Variants in HPF1 observed in about 807,000 individuals in gnomAD.
The protein encoded by HPF1 is UPF0609 protein C4orf27.
HPF1 carries 35 observed loss-of-function variants against 38.8 expected under a neutral mutation model. The ratio of observed to expected loss-of-function variants is 0.90; its 90% CI spans 0.69 to 1.19. The LOEUF is 1.19. Among genes scored for constraint, HPF1 ranks in the 50% most tolerant of loss-of-function variants. HPF1 has a pLI of 0.00. For missense variants in HPF1, 367 were observed against 405.8 expected, an observed-to-expected ratio of 0.90 and a Z score of 0.82; for synonymous variants, 115 against 139.2, an observed-to-expected ratio of 0.83 and a Z score of 1.22.
At chr4:169,751,691 G>C (rs1425171942) in intron 2 of HPF1, among the ~76,000 whole-genome samples, 1 of 151,968 alleles carries the variant, frequency 6.6e-6, no homozygotes, top group African/African-American at 2.4e-5. Flanking sequence ...GAAGGATGAA[G>C]AAAACAAAAA....
intron 4 of HPF1, among the ~76,000 whole-genome samples, chr4:169,747,496 A>G (rs1027687922): frequency 1.3e-5 from 2 of 152,200 alleles, no homozygotes; most frequent in African/African-American, 4.8e-5. Context: ...CCCTTTAAAG[A>G]GACAGTACTA....
chr4:169,737,798 A>G (rs1581314865), intron 5 of HPF1, 51 bp from the exon 6 acceptor site: 2 of 1,155,286 alleles, frequency 1.7e-6, no homozygotes, highest in African/African-American at 1.5e-5. Flanking sequence ...GACATCAAAA[A>G]AAAAAATCCC....
intron 4 of HPF1, among the ~76,000 whole-genome samples, chr4:169,742,746 C>A (rs543170245): frequency 2.0e-5 from 3 of 151,840 alleles, no homozygotes; most frequent in African/African-American, 7.3e-5. Context: ...GAACCGAGAT[C>A]GCGCCACTGC....
chr4:169,748,959 T>C (rs76216708), intron 3 of HPF1, 117 bp from the exon 4 acceptor site: 3 of 152,582 alleles, frequency 2.0e-5, no homozygotes, highest in South Asian at 1.8e-4. Flanking sequence ...TTTGGAGGCC[T>C]TTTTTTTTTT....
chr4:169,756,561 G>A (rs1169638367), intron 1 of HPF1, among the ~76,000 whole-genome samples: 1 of 152,178 alleles, frequency 6.6e-6, no homozygotes, highest in Non-Finnish European at 1.5e-5. Flanking sequence ...TCCAACCTTA[G>A]GCAAGTTACT....
At chr4:169,731,377 C>T (rs976406695) in intron 7 of HPF1, among the ~76,000 whole-genome samples, 6 of 152,184 alleles carry the variant, frequency 3.9e-5, no homozygotes, top group Non-Finnish European at 7.3e-5. Context: ...CCCAAACGTA[C>T]ACACACGGCA....
intron 4 of HPF1, among the ~76,000 whole-genome samples, chr4:169,745,133 C>T (rs1045643302): frequency 2.0e-5 from 3 of 152,128 alleles, no homozygotes; most frequent in South Asian, 2.1e-4. Flanking sequence ...CACGGACAGA[C>T]AGAACCATGC....
intron 1 of HPF1, among the ~76,000 whole-genome samples, chr4:169,757,541 G>T (rs1158654224): frequency 2.0e-5 from 3 of 152,112 alleles, no homozygotes; most frequent in Non-Finnish European, 4.4e-5. Flanking sequence ...GTATGTAATC[G>T]GTTCCCAATC....
intron 4 of HPF1, among the ~76,000 whole-genome samples, chr4:169,744,469 T>C (rs1357141907): frequency 1.3e-5 from 2 of 152,218 alleles, no homozygotes; most frequent in Admixed American, 6.5e-5. Context: ...GCCATAACCA[T>C]GAACGTGAAC....
chr4:169,739,088 T>C (rs1038007297), intron 5 of HPF1, among the ~76,000 whole-genome samples: 3 of 152,240 alleles, frequency 2.0e-5, no homozygotes, highest in African/African-American at 7.2e-5. Flanking sequence ...TGTATACATA[T>C]GTAACAAACC....
At chr4:169,753,028 G>GTTT (rs71590035) in intron 2 of HPF1, among the ~76,000 whole-genome samples, 8,172 of 103,838 alleles carry the variant, frequency 0.079, 832 homozygotes, top group South Asian at 0.1. Context: ...CCTTGGTTAG[G>GTTT]TTTTTTTTTT....
At chr4:169,735,932 T>TAA (rs36044065) in intron 6 of HPF1, among the ~76,000 whole-genome samples, 6,991 of 105,544 alleles carry the variant, frequency 0.066, 634 homozygotes, top group African/African-American at 0.2. Context: ...GAGAAGGAGC[T>TAA]AAAAAAAAAA....
intron 5 of HPF1, 112 bp downstream of exon 5, chr4:169,741,845 C>T: frequency 1.2e-6 from 1 of 838,070 alleles, no homozygotes; most frequent in South Asian, 1.8e-5. Context: ...GGACAGCATC[C>T]AGTTCTTAAG....
At chr4:169,748,144 A>G (rs1734071554) in intron 4 of HPF1, among the ~76,000 whole-genome samples, 1 of 152,198 alleles carries the variant, frequency 6.6e-6, no homozygotes, top group African/African-American at 2.4e-5. Flanking sequence ...TGAACCATAC[A>G]TAAGAAATAA....
intron 4 of HPF1, among the ~76,000 whole-genome samples, chr4:169,745,303 C>A (rs907112533): frequency 6.6e-6 from 1 of 152,210 alleles, no homozygotes; most frequent in African/African-American, 2.4e-5. Flanking sequence ...AGGGCACGGC[C>A]TGGCCACCAT....
chr4:169,750,520 A>T lies in HPF1; in HGVS notation c.398+16T>A. 6.4e-7 allele frequency: 1 copy of T among 1,556,680 alleles called. No homozygotes were observed. Among genetic ancestry groups the T allele is most frequent in the South Asian group, 1.2e-5 (1 of 83,844 alleles). ...GACAGCAGCTGTATTTTAGAGGCGA[A>T]GAAAAGATCCTTTACCTGAAATACC... On this transcript the variant is annotated intron_variant, in intron 3 of 7. Transcript: ENST00000393381.
chr4:169,747,461 A>G (rs1329684046), intron 4 of HPF1, among the ~76,000 whole-genome samples: 1 of 152,170 alleles, frequency 6.6e-6, no homozygotes, highest in Non-Finnish European at 1.5e-5. Context: ...GCAAATTTGT[A>G]TGATCAAATC....
intron 1 of HPF1, among the ~76,000 whole-genome samples, chr4:169,754,687 C>T (rs1442056297): frequency 6.6e-6 from 1 of 151,990 alleles, no homozygotes; most frequent in Non-Finnish European, 1.5e-5. Context: ...TTCTTCCTAC[C>T]TAGAGCAGTG....
intron 6 of HPF1, among the ~76,000 whole-genome samples, chr4:169,736,691 G>A (rs546445339): frequency 1.3e-5 from 2 of 152,152 alleles, no homozygotes; most frequent in Admixed American, 6.5e-5. Context: ...AAAAGCAGAC[G>A]GCCAAATACG....
Sources: allele counts gnomAD v4.1 joint callset (sites outside exome capture counted in the v4.1 genomes callset), GRCh38; gene constraint gnomAD v4.1.1; transcripts MANE v1.5; gene names NCBI Gene and HGNC (gene_info 2026-07-23, HGNC 2026-07-21).